The following NCKAP5 variants were observed in gnomAD, a reference collection of about 807,000 sequenced individuals.
NCKAP5 encodes nck-associated protein 5.
In NCKAP5, 92 loss-of-function variants were observed where a neutral mutation model predicts 167.0. That is an observed-to-expected ratio of 0.55 (90% CI 0.47 to 0.66). NCKAP5 has a LOEUF of 0.66. Among genes scored for constraint, NCKAP5 ranks in the 30% least tolerant of loss-of-function variants. The pLI, the probability that NCKAP5 is intolerant of heterozygous loss-of-function variation, is 0.00. For synonymous variants in NCKAP5, 891 were observed against 877.4 expected, an observed-to-expected ratio of 1.02 and a Z score of -0.27; for missense variants, 2,378 against 2,315.0, an observed-to-expected ratio of 1.03 and a Z score of -0.56.
intron 2 of NCKAP5, among the ~76,000 whole-genome samples, chr2:133,522,243 A>G (rs1002082150): frequency 6.6e-6 from 1 of 152,174 alleles, no homozygotes; most frequent in Non-Finnish European, 1.5e-5. Context: ...AAGAAAGGGC[A>G]CCAGCAATGC....
chr2:133,574,603 C>CT, the NCKAP5 span, among the ~76,000 whole-genome samples: 592 of 127,200 alleles, frequency 4.7e-3, 3 homozygotes, highest in African/African-American at 0.013. Context: ...TTCTTCTTTC[C>CT]TTTTTTTTTT....
intron 3 of NCKAP5, among the ~76,000 whole-genome samples, chr2:133,481,849 G>A (rs1326833522): frequency 6.6e-6 from 1 of 152,212 alleles, no homozygotes; most frequent in Admixed American, 6.5e-5. Context: ...GGTCATTTAG[G>A]TTGATTCCGT....
intron 4 of NCKAP5, among the ~76,000 whole-genome samples, chr2:133,238,632 C>T (rs1289384335): frequency 1.3e-5 from 2 of 152,184 alleles, no homozygotes; most frequent in East Asian, 1.9e-4. Context: ...TCTTTTTAAG[C>T]AGCCCCAACT....
chr2:133,226,188 A>C (rs1443588025), intron 4 of NCKAP5, among the ~76,000 whole-genome samples: 1 of 151,984 alleles, frequency 6.6e-6, no homozygotes, highest in East Asian at 1.9e-4. Flanking sequence ...TGATCCTCCC[A>C]CTTCAGCCTC....
At chr2:133,539,108 T>C (rs1686016728) in intron 2 of NCKAP5, among the ~76,000 whole-genome samples, 1 of 151,722 alleles carries the variant, frequency 6.6e-6, no homozygotes, top group Non-Finnish European at 1.5e-5. Context: ...GCCCGGCTAA[T>C]TTTTTGTATT....
intron 4 of NCKAP5, among the ~76,000 whole-genome samples, chr2:133,243,800 C>T (rs985784558): frequency 3.4e-4 from 51 of 152,106 alleles, no homozygotes; most frequent in African/African-American, 1.2e-3. Flanking sequence ...AGAAAAACAA[C>T]GTTTGCTTCT....
chr2:133,258,761 AG>A (rs1206595347), intron 4 of NCKAP5, among the ~76,000 whole-genome samples: 17 of 151,352 alleles, frequency 1.1e-4, no homozygotes, highest in African/African-American at 3.9e-4. Context: ...AAAAAAAAAA[AG>A]AAGAAGAAGA....
At chr2:133,262,753 C>T (rs372106929) in intron 4 of NCKAP5, among the ~76,000 whole-genome samples, 67 of 152,256 alleles carry the variant, frequency 4.4e-4, no homozygotes, top group African/African-American at 1.5e-3. Flanking sequence ...AACTATTAAA[C>T]GTTTTAAAGG....
rs1683124912 is a variant in NCKAP5 at position 132,782,487 on chromosome 2, T to C, written c.4324A>G (p.Thr1442Ala). The change falls in exon 14 of 20, where the codon ACA becomes GCA. Residue 1442 changes from threonine (T) to alanine (A), a missense_variant. Thr to Ala is a moderately conservative substitution (Grantham distance 58). Transcript: ENST00000409261. ...CTTCCAGAAGTTTCTAGCTTGGATGTACTGCTTGTTTCAAAAGTGCTTGGA... is the reference window on the plus strand; with the variant it reads ...CTTCCAGAAGTTTCTAGCTTGGATGCACTGCTTGTTTCAAAAGTGCTTGGA... ...QHPSTFETSS[T>A]SKLETSGRHP... 6.2e-7 allele frequency: 1 copy of C among 1,610,600 alleles called. No homozygotes were observed. Among genetic ancestry groups the C allele is most frequent in the Non-Finnish European group, 8.5e-7 (1 of 1,178,526 alleles).
At chr2:133,158,118 C>T (rs564247425) in intron 5 of NCKAP5, among the ~76,000 whole-genome samples, 1 of 152,288 alleles carries the variant, frequency 6.6e-6, no homozygotes, top group South Asian at 2.1e-4. Context: ...GGACACTTGT[C>T]CTTTAGGAAA....
At chr2:133,111,428 A>G (rs1005755885) in intron 6 of NCKAP5, among the ~76,000 whole-genome samples, 1 of 152,202 alleles carries the variant, frequency 6.6e-6, no homozygotes, top group African/African-American at 2.4e-5. Context: ...CCCAGAACCA[A>G]TGGAGAGATA....
At chr2:133,214,082 T>G (rs1476475880) in intron 4 of NCKAP5, among the ~76,000 whole-genome samples, 2 of 152,228 alleles carry the variant, frequency 1.3e-5, no homozygotes, top group African/African-American at 4.8e-5. Flanking sequence ...GGCTATAGTA[T>G]TTTAGTTGAC....
At chr2:132,959,548 G>GT (rs1477783682) in intron 8 of NCKAP5, among the ~76,000 whole-genome samples, 56 of 152,068 alleles carry the variant, frequency 3.7e-4, no homozygotes, top group African/African-American at 1.3e-3. Flanking sequence ...TGGAGAGAAG[G>GT]GCCACGTGGG....
At chr2:132,942,424 C>T (rs1371818025) in intron 8 of NCKAP5, among the ~76,000 whole-genome samples, 1 of 152,202 alleles carries the variant, frequency 6.6e-6, no homozygotes, top group East Asian at 1.9e-4. Context: ...GATGTCGACA[C>T]TACTGGTCTA....
chr2:133,284,962 A>C (rs1574601896), intron 4 of NCKAP5, among the ~76,000 whole-genome samples: 1 of 152,218 alleles, frequency 6.6e-6, no homozygotes, highest in African/African-American at 2.4e-5. Flanking sequence ...GAGCATGCCC[A>C]TTCCCAACCC....
chr2:133,303,647 T>C (rs1680565328), intron 3 of NCKAP5, among the ~76,000 whole-genome samples: 1 of 148,902 alleles, frequency 6.7e-6, no homozygotes, highest in African/African-American at 2.6e-5. Context: ...TTTGCTTTTT[T>C]TTTATTCTTA....
intron 3 of NCKAP5, among the ~76,000 whole-genome samples, chr2:133,386,530 T>C (rs1288841026): frequency 6.6e-6 from 1 of 152,190 alleles, no homozygotes; most frequent in African/African-American, 2.4e-5. Flanking sequence ...TTCTGTTGAT[T>C]TGGGGTGGAG....
chr2:133,312,171 T>C (rs542604115), intron 3 of NCKAP5, among the ~76,000 whole-genome samples: 2 of 152,300 alleles, frequency 1.3e-5, no homozygotes, highest in African/African-American at 4.8e-5. Context: ...CTGTCATATA[T>C]GGAAATTTCA....
At chr2:133,599,267 G>T in the NCKAP5 span, among the ~76,000 whole-genome samples, 1 of 152,202 alleles carries the variant, frequency 6.6e-6, no homozygotes. Context: ...TGTTGACAGT[G>T]ACATCCTAGA....
Sources: gnomAD v4.1 joint callset for allele counts (sites outside exome capture counted in the v4.1 genomes callset) on GRCh38, gnomAD v4.1.1 for gene constraint, MANE v1.5 for transcripts, NCBI Gene and HGNC (gene_info 2026-07-23, HGNC 2026-07-21) for gene names.